HECW1: variants seen among roughly 807,000 people sequenced by gnomAD.
The protein encoded by HECW1 is E3 ubiquitin-protein ligase HECW1.
Under a neutral mutation model 182.3 loss-of-function variants are expected in HECW1, and 61 were observed. The ratio of observed to expected loss-of-function variants is 0.33; its 90% confidence interval spans 0.27 to 0.41. The LOEUF is 0.41. HECW1 is among the 10% of genes least tolerant of loss of function. HECW1 has a pLI of 1.00. For missense variants in HECW1, 1,739 were observed against 2,108.9 expected, an observed-to-expected ratio of 0.82 and a Z score of 3.44; for synonymous variants, 859 against 832.6, an observed-to-expected ratio of 1.03 and a Z score of -0.55.
At chr7:43,125,776 A>AAAAAAT (rs1311733453) in intron 2 of HECW1, among the ~76,000 whole-genome samples, 10 of 149,522 alleles carry the variant, frequency 6.7e-5, no homozygotes, top group African/African-American at 2.5e-4. Context: ...AAAAAAAAAA[A>AAAAAAT]AAAAGAGTGA....
intron 2 of HECW1, among the ~76,000 whole-genome samples, chr7:43,177,697 A>G (rs1489791761): frequency 6.6e-6 from 1 of 152,124 alleles, no homozygotes. Context: ...ACCTACTTCA[A>G]CCCGTTTTGT....
chr7:43,225,852 G>A (rs565940605), intron 2 of HECW1, among the ~76,000 whole-genome samples: 12 of 151,946 alleles, frequency 7.9e-5, no homozygotes, highest in Middle Eastern at 3.4e-3. Flanking sequence ...TAGTATGATC[G>A]CAGCTGTCTG....
At chr7:43,447,856 G>A (rs2077107443) in intron 11 of HECW1, among the ~76,000 whole-genome samples, 5 of 152,236 alleles carry the variant, frequency 3.3e-5, no homozygotes, top group African/African-American at 1.2e-4. Flanking sequence ...CTGGGTGTGT[G>A]GGCTCACGCC....
At chr7:43,548,243 A>T in intron 26 of HECW1, among the ~76,000 whole-genome samples, 1 of 133,346 alleles carries the variant, frequency 7.5e-6, no homozygotes. Flanking sequence ...TACATTTCTA[A>T]CTTTTTTTTT....
At chr7:43,131,136 C>T (rs570855878) in intron 2 of HECW1, among the ~76,000 whole-genome samples, 1 of 152,240 alleles carries the variant, frequency 6.6e-6, no homozygotes, top group African/African-American at 2.4e-5. Flanking sequence ...CGTGGTGGCA[C>T]ACGCGTGTAA....
chr7:43,379,746 T>G (rs1294745935), intron 6 of HECW1, among the ~76,000 whole-genome samples: 1 of 152,114 alleles, frequency 6.6e-6, no homozygotes, highest in African/African-American at 2.4e-5. Context: ...ATTTAGATCG[T>G]TTTCTCAAAT....
intron 3 of HECW1, among the ~76,000 whole-genome samples, chr7:43,246,025 G>C (rs17172183): frequency 0.27 from 40,549 of 151,900 alleles, 6,276 homozygotes; most frequent in African/African-American, 0.43. Context: ...GCACTACTAG[G>C]TGGACTTATG....
intron 17 of HECW1, among the ~76,000 whole-genome samples, chr7:43,480,620 T>TGTGC (rs534751176): frequency 6.6e-5 from 10 of 151,764 alleles, no homozygotes; most frequent in Non-Finnish European, 8.8e-5. Context: ...TTTGTGTGTG[T>TGTGC]GTGCGTGTGT....
intron 3 of HECW1, among the ~76,000 whole-genome samples, chr7:43,270,507 C>G (rs1802277638): frequency 6.6e-6 from 1 of 152,212 alleles, no homozygotes; most frequent in Admixed American, 6.5e-5. Context: ...GCCTTTATGA[C>G]TTAGCCTGAG....
At chr7:43,322,655 A>C (rs1457727734) in intron 5 of HECW1, among the ~76,000 whole-genome samples, 8 of 152,212 alleles carry the variant, frequency 5.3e-5, no homozygotes, top group Non-Finnish European at 1.0e-4. Flanking sequence ...ATATGGGCTT[A>C]TTTGGGGTGT....
intron 7 of HECW1, among the ~76,000 whole-genome samples, chr7:43,401,872 T>A (rs1041670643): frequency 7.3e-5 from 11 of 151,722 alleles, no homozygotes; most frequent in African/African-American, 2.7e-4. Flanking sequence ...CTCTATCTTG[T>A]ACCCATATAA....
chr7:43,518,219 G>A (rs1448668628), intron 24 of HECW1, among the ~76,000 whole-genome samples: 1 of 152,128 alleles, frequency 6.6e-6, no homozygotes, highest in Non-Finnish European at 1.5e-5. Context: ...GAAAGGCCGG[G>A]CACAGTGGCT....
chr7:43,429,521 G>T (rs1369063282), intron 8 of HECW1, among the ~76,000 whole-genome samples: 1 of 151,832 alleles, frequency 6.6e-6, no homozygotes, highest in Admixed American at 6.6e-5. Flanking sequence ...GAAGGGGGAA[G>T]AATGCTCCTG....
At chr7:43,130,053 C>G (rs759891609) in intron 2 of HECW1, among the ~76,000 whole-genome samples, 9 of 152,200 alleles carry the variant, frequency 5.9e-5, no homozygotes, top group South Asian at 2.1e-4. Flanking sequence ...TGATTGTATA[C>G]ATTGCAATAT....
At chr7:43,119,599 A>T (rs1785383494) in intron 2 of HECW1, among the ~76,000 whole-genome samples, 1 of 152,126 alleles carries the variant, frequency 6.6e-6, no homozygotes, top group Non-Finnish European at 1.5e-5. Flanking sequence ...TCATTCCCAG[A>T]ACTCCAGACT....
chr7:43,183,544 A>T (rs889558890), intron 2 of HECW1, among the ~76,000 whole-genome samples: 1 of 152,214 alleles, frequency 6.6e-6, no homozygotes, highest in African/African-American at 2.4e-5. Context: ...ACACTTATTT[A>T]AAAATATTGC....
intron 5 of HECW1, among the ~76,000 whole-genome samples, chr7:43,326,324 T>C (rs1442141671): frequency 6.6e-6 from 1 of 152,190 alleles, no homozygotes; most frequent in African/African-American, 2.4e-5. Flanking sequence ...CTCACACAGG[T>C]AGGGGCTGTC....
In HECW1 at chr7:43,444,176, T is replaced by A; in HGVS notation, c.1046-42T>A. On this transcript the variant is annotated intron_variant, in intron 10 of 29. Coordinates refer to ENST00000395891, the MANE Select transcript of HECW1 (RefSeq NM_015052.5). This position sits in a 1 kb window ranked among gnomAD's most constrained non-coding sequence, Gnocchi z 4.3. ...ACAGGGTATCCTAACACCACAATGC[T>A]CTCTTCTGGGAGAAATGACATATTT... 1 of 1,554,546 alleles carries A rather than the reference T, an allele frequency of 6.4e-7. No individual in the cohort carries two copies. The highest frequency in any genetic ancestry group is 8.7e-7 in the Non-Finnish European group (1 of 1,146,118).
At chr7:43,359,477 T>C (rs899401453) in intron 5 of HECW1, among the ~76,000 whole-genome samples, 1 of 152,234 alleles carries the variant, frequency 6.6e-6, no homozygotes, top group Non-Finnish European at 1.5e-5. Context: ...TTTCCAAATA[T>C]AGGAAATATT....
Sources: gnomAD v4.1 joint callset for allele counts (sites outside exome capture counted in the v4.1 genomes callset) on GRCh38, gnomAD v4.1.1 for gene constraint, Gnocchi (gnomAD v3.1) non-coding constraint, MANE v1.5 for transcripts, NCBI Gene and HGNC (gene_info 2026-07-23, HGNC 2026-07-21) for gene names.